MAGI2: variants seen among roughly 807,000 people sequenced by gnomAD.
MAGI2 encodes the protein membrane-associated guanylate kinase, WW and PDZ domain-containing protein 2.
A neutral mutation model predicts 133.3 loss-of-function variants in MAGI2; 35 were observed. The ratio of observed to expected loss-of-function variants is 0.26; its 90% CI spans 0.20 to 0.35. The LOEUF (loss-of-function observed/expected upper bound fraction) is 0.35, where lower values mean the gene tolerates loss of function less well. MAGI2 is among the 10% of genes least tolerant of loss of function. The pLI, the probability that MAGI2 is intolerant of heterozygous loss-of-function variation, is 1.00. For missense variants in MAGI2, 1,636 were observed against 1,863.4 expected, an observed-to-expected ratio of 0.88 and a Z score of 2.25; for synonymous variants, 729 against 710.6, an observed-to-expected ratio of 1.03 and a Z score of -0.41.
At chr7:79,212,845 T>A (rs1478127075) in intron 1 of MAGI2, among the ~76,000 whole-genome samples, 1 of 152,008 alleles carries the variant, frequency 6.6e-6, no homozygotes, top group Non-Finnish European at 1.5e-5. Flanking sequence ...CTTCCTGGCT[T>A]TGGTGAATTG....
At chr7:78,493,396 G>A (rs1409298079) in intron 5 of MAGI2, among the ~76,000 whole-genome samples, 1 of 152,106 alleles carries the variant, frequency 6.6e-6, no homozygotes, top group Non-Finnish European at 1.5e-5. Flanking sequence ...TCACTATCCC[G>A]TGTCATTTCT....
intron 1 of MAGI2, among the ~76,000 whole-genome samples, chr7:79,329,547 C>A (rs546035700): frequency 6.6e-6 from 1 of 152,280 alleles, no homozygotes; most frequent in South Asian, 2.1e-4. Context: ...CTGGAAGAAG[C>A]CATCCGTATT....
At chr7:78,809,158 C>T (rs1213889874) in intron 2 of MAGI2, among the ~76,000 whole-genome samples, 1 of 152,138 alleles carries the variant, frequency 6.6e-6, no homozygotes, top group African/African-American at 2.4e-5. Flanking sequence ...AACACTGGAT[C>T]TGGTCACATC....
chr7:79,334,063 T>A (rs1318061288), intron 1 of MAGI2, among the ~76,000 whole-genome samples: 1 of 152,200 alleles, frequency 6.6e-6, no homozygotes, highest in Non-Finnish European at 1.5e-5. Context: ...AACCCATCCG[T>A]GTCATCTCTA....
chr7:78,406,240 C>A (rs181675319), intron 6 of MAGI2, among the ~76,000 whole-genome samples: 1 of 151,954 alleles, frequency 6.6e-6, no homozygotes, highest in Non-Finnish European at 1.5e-5. Flanking sequence ...TGTCCTCCGT[C>A]TTTTCCATGC....
At chr7:78,343,396 A>G (rs549141983) in intron 9 of MAGI2, among the ~76,000 whole-genome samples, 2 of 152,332 alleles carry the variant, frequency 1.3e-5, no homozygotes, top group South Asian at 4.1e-4. Context: ...CCTGGGTGAT[A>G]TAGCATGAGA....
chr7:78,585,047 T>C (rs1803255557), intron 3 of MAGI2, among the ~76,000 whole-genome samples: 1 of 152,168 alleles, frequency 6.6e-6, no homozygotes. Context: ...CTACTCAGGA[T>C]ACTATTTTCA....
At position 78,175,369 on chromosome 7, in the gene MAGI2, C is replaced by T. The variant is rs540338813; in HGVS notation, c.2403+2642G>A. On this transcript the variant is annotated intron_variant, in intron 14 of 21. Transcript: ENST00000354212. ...ATACTTCTCCAGGGTAGAAAACCCA[C>T]AGTAGGCTGCTTTTTGGGGCCCCTC... Among the ~76,000 whole-genome samples, 4 of 152,286 alleles carry T rather than the reference C, an allele frequency of 2.6e-5. No individual in the cohort carries two copies. The South Asian group carries it at 8.3e-4, about 32-fold the overall frequency.
chr7:78,996,696 G>T (rs933852039), intron 2 of MAGI2, among the ~76,000 whole-genome samples: 7 of 152,244 alleles, frequency 4.6e-5, no homozygotes, highest in Non-Finnish European at 1.0e-4. Flanking sequence ...CTACAAAAAG[G>T]AAAGTATGTT....
At chr7:79,412,644 A>G (rs1846221033) in intron 1 of MAGI2, 1 of 152,138 alleles carries the variant, frequency 6.6e-6, no homozygotes, top group African/African-American at 2.4e-5. Flanking sequence ...GGTGTGGCAT[A>G]GAGGAAAGAC....
At chr7:78,691,838 T>C (rs1039569970) in intron 2 of MAGI2, among the ~76,000 whole-genome samples, 1 of 152,144 alleles carries the variant, frequency 6.6e-6, no homozygotes, top group African/African-American at 2.4e-5. Flanking sequence ...TACATGTCAT[T>C]ATACATTTGT....
At chr7:78,727,279 G>A (rs1015151751) in intron 2 of MAGI2, among the ~76,000 whole-genome samples, 15 of 152,152 alleles carry the variant, frequency 9.9e-5, no homozygotes, top group African/African-American at 2.9e-4. Flanking sequence ...AGAGTCATGC[G>A]CTATTAGCTC....
intron 2 of MAGI2, among the ~76,000 whole-genome samples, chr7:78,706,510 G>C (rs323163): frequency 0.7 from 106,119 of 151,968 alleles, 37,370 homozygotes; most frequent in East Asian, 0.84. Context: ...TTAGTACTTT[G>C]AAGTCACATT....
At chr7:79,137,063 C>A (rs1821645964) in intron 1 of MAGI2, among the ~76,000 whole-genome samples, 1 of 151,938 alleles carries the variant, frequency 6.6e-6, no homozygotes, top group African/African-American at 2.4e-5. Context: ...CTCACTGTAA[C>A]CTCTGCCTCC....
chr7:78,252,026 C>T (rs1403457922), intron 10 of MAGI2: 7 of 151,810 alleles, frequency 4.6e-5, no homozygotes, highest in Non-Finnish European at 8.8e-5. Flanking sequence ...GTAGTCCTAC[C>T]TACTGGAGAA....
intron 9 of MAGI2, among the ~76,000 whole-genome samples, chr7:78,332,622 C>G (rs1018016418): frequency 6.7e-6 from 1 of 150,022 alleles, no homozygotes; most frequent in Admixed American, 6.7e-5. Context: ...GGTGTGAACC[C>G]GGGAGGCAGA....
chr7:78,398,659 C>A (rs1483813594), intron 6 of MAGI2, among the ~76,000 whole-genome samples: 2 of 151,744 alleles, frequency 1.3e-5, no homozygotes, highest in Non-Finnish European at 2.9e-5. Context: ...CTTTCTGAAA[C>A]GTAGTAAGAA....
intron 1 of MAGI2, among the ~76,000 whole-genome samples, chr7:79,101,655 T>C (rs984572275): frequency 3.0e-5 from 4 of 132,146 alleles, no homozygotes; most frequent in Admixed American, 1.8e-4. Flanking sequence ...ACCCGGGAGG[T>C]GGAGCTTGTA....
At position 78,140,587 on chromosome 7, in the gene MAGI2, A is replaced by C. The variant is rs546878573; in HGVS notation, c.2846-5381T>G. On this transcript the variant is annotated intron_variant, in intron 16 of 21. Coordinates refer to ENST00000354212, the MANE Select transcript of MAGI2 (RefSeq NM_012301.4). ...GTTAAACAACATGTCATTAGCTTAAAGAGGCAAAGGAAGTTAGTTTGGGTT... is the reference window on the plus strand; with the variant it reads ...GTTAAACAACATGTCATTAGCTTAACGAGGCAAAGGAAGTTAGTTTGGGTT... 2.0e-5 allele frequency among the ~76,000 whole-genome samples: 3 copies of C among 152,378 alleles called. No individual in the cohort carries two copies. In the South Asian group the frequency reaches 6.2e-4, roughly 32 times the overall value.
Sources: gnomAD v4.1 joint callset for allele counts (sites outside exome capture counted in the v4.1 genomes callset) on GRCh38, gnomAD v4.1.1 for gene constraint, MANE v1.5 for transcripts, NCBI Gene and HGNC (gene_info 2026-07-23, HGNC 2026-07-21) for gene names.